The following DENND1A variants were observed in gnomAD, a reference collection of about 807,000 sequenced individuals.
DENND1A encodes DENN domain containing 1A, also known as DENN domain-containing protein 1A.
Under a neutral mutation model 113.7 loss-of-function variants are expected in DENND1A, and 51 were observed. The ratio of observed to expected loss-of-function variants is 0.45; its 90% CI spans 0.36 to 0.57. The LOEUF (loss-of-function observed/expected upper bound fraction) is 0.57. DENND1A is among the 20% of genes least tolerant of loss of function. DENND1A has a pLI of 0.00. For synonymous variants in DENND1A, 565 were observed against 570.8 expected (o/e 0.99, Z 0.14); for missense variants, 1,258 against 1,395.9 (o/e 0.90, Z 1.57).
chr9:123,430,321 G>A (rs1162568234), intron 19 of DENND1A, among the ~76,000 whole-genome samples: 1 of 152,154 alleles, frequency 6.6e-6, no homozygotes, highest in Non-Finnish European at 1.5e-5. Context: ...ATTTGACCCA[G>A]CAATCCATTA....
intron 1 of DENND1A, among the ~76,000 whole-genome samples, chr9:123,904,526 A>T (rs1852387997): frequency 6.9e-6 from 1 of 143,912 alleles, no homozygotes; most frequent in Admixed American, 6.7e-5. Flanking sequence ...TGCTTAAAGG[A>T]GCTGATGGAG....
At chr9:123,721,201 T>C (rs945404700) in intron 5 of DENND1A, among the ~76,000 whole-genome samples, 2 of 152,224 alleles carry the variant, frequency 1.3e-5, no homozygotes, top group Non-Finnish European at 2.9e-5. Flanking sequence ...TTACTTAAGA[T>C]TCTCCAAGTC....
Position 123,516,777 on chromosome 9 carries a change from G to T in DENND1A, c.993+40793C>A, listed in dbSNP as rs1159628027. Among the ~76,000 whole-genome samples, 9 of 151,180 alleles carry T rather than the reference G, an allele frequency of 6.0e-5. No homozygotes were observed. In the East Asian group the frequency reaches 1.8e-3, roughly 29 times the overall value. On this transcript the variant is annotated intron_variant, in intron 13 of 23. Transcript: ENST00000394215. ...TGTGTGCCTGTAATCCTAGCTACTT[G>T]GGAGGCTGAGGCAGGAGAATCACTT...
chr9:123,906,897 C>T (rs1238830954), intron 1 of DENND1A, among the ~76,000 whole-genome samples: 3 of 111,264 alleles, frequency 2.7e-5, no homozygotes, highest in African/African-American at 1.0e-4. Context: ...CGGGCAGAGA[C>T]ACAACCAAAA....
At chr9:123,720,808 C>T (rs2067284097) in intron 5 of DENND1A, among the ~76,000 whole-genome samples, 1 of 152,170 alleles carries the variant, frequency 6.6e-6, no homozygotes, top group African/African-American at 2.4e-5. Flanking sequence ...TGGGAGTAAA[C>T]ACTTGGGGAA....
At chr9:123,540,105 G>A (rs974622129) in intron 13 of DENND1A, among the ~76,000 whole-genome samples, 2 of 152,128 alleles carry the variant, frequency 1.3e-5, no homozygotes, top group African/African-American at 4.8e-5. Context: ...AGAAAATCTT[G>A]TATCTACCCA....
chr9:123,852,427 CTATT>C (rs946206050), intron 2 of DENND1A, among the ~76,000 whole-genome samples: 13 of 152,156 alleles, frequency 8.5e-5, no homozygotes, highest in Non-Finnish European at 1.6e-4. Context: ...GTGCCTGTCT[CTATT>C]TATCCCAAAT....
chr9:123,824,694 T>C (rs554686438), intron 2 of DENND1A, among the ~76,000 whole-genome samples: 72 of 152,300 alleles, frequency 4.7e-4, no homozygotes, highest in African/African-American at 1.7e-3. Context: ...CCAATCTATA[T>C]CTAAGGTACT....
intron 9 of DENND1A, among the ~76,000 whole-genome samples, chr9:123,640,163 G>T (rs2061952529): frequency 6.6e-6 from 1 of 152,180 alleles, no homozygotes; most frequent in South Asian, 2.1e-4. Flanking sequence ...GAGAGAGAAA[G>T]ATCAAAATGC....
chr9:123,625,980 C>T (rs192067853), intron 10 of DENND1A, among the ~76,000 whole-genome samples: 420 of 152,194 alleles, frequency 2.8e-3, no homozygotes, highest in Middle Eastern at 6.8e-3. Context: ...TAGCCTTGAC[C>T]TCCTGGGCTC....
At chr9:123,619,633 G>A (rs1564828576) in intron 10 of DENND1A, among the ~76,000 whole-genome samples, 1 of 152,130 alleles carries the variant, frequency 6.6e-6, no homozygotes, top group Admixed American at 6.6e-5. Context: ...TGTTGCCCAG[G>A]ATTGGTCTCG....
At chr9:123,902,925 A>G (rs1851942714) in intron 1 of DENND1A, among the ~76,000 whole-genome samples, 1 of 152,178 alleles carries the variant, frequency 6.6e-6, no homozygotes, top group Non-Finnish European at 1.5e-5. Flanking sequence ...ACAAAATATT[A>G]GTAAATGGAA....
intron 13 of DENND1A, among the ~76,000 whole-genome samples, chr9:123,549,434 A>G (rs1255573062): frequency 1.3e-5 from 2 of 152,004 alleles, no homozygotes; most frequent in Admixed American, 6.5e-5. Context: ...CCACCCATCA[A>G]GGGTTCTTGA....
intron 5 of DENND1A, among the ~76,000 whole-genome samples, chr9:123,709,132 A>T (rs2066420083): frequency 6.6e-6 from 1 of 152,192 alleles, no homozygotes; most frequent in African/African-American, 2.4e-5. Flanking sequence ...TAAAAAGTGG[A>T]GATGCTAGCA....
intron 13 of DENND1A, among the ~76,000 whole-genome samples, chr9:123,494,885 G>A (rs529419694): frequency 5.3e-5 from 8 of 152,088 alleles, no homozygotes; most frequent in South Asian, 2.1e-4. Flanking sequence ...TCTGCCTCCC[G>A]GGTTGAAGCG....
chr9:123,911,624 G>A (rs1853981734), intron 1 of DENND1A, among the ~76,000 whole-genome samples: 1 of 152,068 alleles, frequency 6.6e-6, no homozygotes, highest in Non-Finnish European at 1.5e-5. Flanking sequence ...TATACTGCAA[G>A]ATTCCATTTA....
intron 1 of DENND1A, among the ~76,000 whole-genome samples, chr9:123,917,896 G>T (rs1411928031): frequency 6.6e-6 from 1 of 151,884 alleles, no homozygotes; most frequent in African/African-American, 2.4e-5. Context: ...AGATCACAAG[G>T]TCAGGAGATC....
intron 22 of DENND1A, 46 bp downstream of exon 22, chr9:123,387,684 G>A (rs1257659282): frequency 2.1e-5 from 27 of 1,285,568 alleles, no homozygotes; most frequent in East Asian, 5.6e-5. Context: ...CAGCCCCGCA[G>A]AGTCACCAAG....
chr9:123,607,490 C>CAG (rs2060210665), intron 11 of DENND1A, among the ~76,000 whole-genome samples: 1 of 47,616 alleles, frequency 2.1e-5, no homozygotes, highest in African/African-American at 8.6e-5. Context: ...GAGAGAGAGA[C>CAG]ACACACACAC....
Sources: gnomAD v4.1 joint callset for allele counts (sites outside exome capture counted in the v4.1 genomes callset) on GRCh38, gnomAD v4.1.1 for gene constraint, MANE v1.5 for transcripts, NCBI Gene and HGNC (gene_info 2026-07-23, HGNC 2026-07-21) for gene names.